Variants in LRMDA observed in about 807,000 individuals in gnomAD.
LRMDA encodes leucine-rich melanocyte differentiation-associated protein.
A neutral mutation model predicts 29.8 loss-of-function variants in LRMDA; 18 were observed. The ratio of observed to expected loss-of-function variants is 0.60; its 90% CI spans 0.42 to 0.90. The LOEUF (loss-of-function observed/expected upper bound fraction) is 0.90, where lower values mean the gene tolerates loss of function less well. Among genes scored for constraint, LRMDA ranks in the 40% least tolerant of loss-of-function variants. The probability of loss-of-function intolerance (pLI) is 0.00; values close to 1 mark genes in which losing one functional copy is unlikely to be tolerated. For missense variants in LRMDA, 273 were observed against 273.9 expected (o/e 1.00, Z 0.02); for synonymous variants, 125 against 109.4 (o/e 1.14, Z -0.89).
intron 5 of LRMDA, among the ~76,000 whole-genome samples, chr10:76,179,397 G>A (rs751181895): frequency 1.3e-5 from 2 of 151,852 alleles, no homozygotes; most frequent in African/African-American, 2.4e-5. Flanking sequence ...GAGAGTGGAG[G>A]TGTTTGCCTC....
chr10:76,145,266 T>A (rs1450491487), intron 5 of LRMDA, among the ~76,000 whole-genome samples: 1 of 152,140 alleles, frequency 6.6e-6, no homozygotes, highest in Non-Finnish European at 1.5e-5. Context: ...GAAGGAATGG[T>A]ACCAGCTCCT....
intron 2 of LRMDA, among the ~76,000 whole-genome samples, chr10:75,863,128 G>C (rs1264359909): frequency 6.6e-6 from 1 of 152,088 alleles, no homozygotes; most frequent in Non-Finnish European, 1.5e-5. Flanking sequence ...ATATTTATGA[G>C]ATGAATGTTG....
chr10:75,443,498 G>T (rs7098941), intron 2 of LRMDA, among the ~76,000 whole-genome samples: 7,631 of 152,108 alleles, frequency 0.05, 468 homozygotes, highest in African/African-American at 0.15. Context: ...AATAAATGTG[G>T]TATATCACAT....
At chr10:75,628,490 A>G (rs985575471) in intron 2 of LRMDA, among the ~76,000 whole-genome samples, 2 of 152,234 alleles carry the variant, frequency 1.3e-5, no homozygotes, top group Admixed American at 1.3e-4. Context: ...TCCAGCTATG[A>G]ACCTGATTGC....
chr10:75,920,238 C>T (rs1390046349), intron 2 of LRMDA, among the ~76,000 whole-genome samples: 1 of 152,116 alleles, frequency 6.6e-6, no homozygotes, highest in Non-Finnish European at 1.5e-5. Flanking sequence ...CTAGATGGTA[C>T]ACCACCCCCA....
intron 6 of LRMDA, among the ~76,000 whole-genome samples, chr10:76,413,041 T>C (rs988278627): frequency 7.9e-5 from 12 of 152,156 alleles, no homozygotes; most frequent in Non-Finnish European, 1.5e-4. Flanking sequence ...TCCTGGTGAT[T>C]CCAGAACCCT....
At chr10:76,440,414 G>T (rs1842289523) in intron 6 of LRMDA, among the ~76,000 whole-genome samples, 1 of 152,110 alleles carries the variant, frequency 6.6e-6, no homozygotes, top group African/African-American at 2.4e-5. Context: ...CCCCAAAATG[G>T]CCTCCATTTC....
At chr10:75,567,215 T>TCA (rs1840384772) in intron 2 of LRMDA, among the ~76,000 whole-genome samples, 1 of 152,194 alleles carries the variant, frequency 6.6e-6, no homozygotes. Flanking sequence ...TCTGTTGCCT[T>TCA]CAGAGTTAAG....
intron 2 of LRMDA, among the ~76,000 whole-genome samples, chr10:75,703,172 A>T (rs1842328551): frequency 6.6e-6 from 1 of 151,866 alleles, no homozygotes; most frequent in African/African-American, 2.4e-5. Context: ...GTCAAAGCAA[A>T]ATATACTGCA....
chr10:76,302,890 C>T (rs1050017476), intron 5 of LRMDA, among the ~76,000 whole-genome samples: 2 of 152,136 alleles, frequency 1.3e-5, no homozygotes, highest in Non-Finnish European at 2.9e-5. Context: ...AAAAGGAAAA[C>T]ACAACGCAAC....
chr10:75,476,345 G>A (rs1201285329), intron 2 of LRMDA, among the ~76,000 whole-genome samples: 1 of 152,136 alleles, frequency 6.6e-6, no homozygotes, highest in Non-Finnish European at 1.5e-5. Flanking sequence ...CGTGAGGCAG[G>A]GGTGGATGCT....
At chr10:76,110,868 T>C (rs1849566098) in intron 5 of LRMDA, among the ~76,000 whole-genome samples, 2 of 151,980 alleles carry the variant, frequency 1.3e-5, no homozygotes, top group Admixed American at 6.6e-5. Flanking sequence ...GGGTAAAGAG[T>C]GTATTCACTA....
chr10:76,086,780 A>T (rs971457547), intron 5 of LRMDA, among the ~76,000 whole-genome samples: 1 of 152,192 alleles, frequency 6.6e-6, no homozygotes, highest in African/African-American at 2.4e-5. Context: ...GTGATTTATG[A>T]GTGATGCTCC....
At chr10:75,687,355 C>A (rs1269582446) in intron 2 of LRMDA, among the ~76,000 whole-genome samples, 2 of 152,174 alleles carry the variant, frequency 1.3e-5, no homozygotes, top group East Asian at 3.9e-4. Context: ...AAAAGTGAAA[C>A]AGCCTTATTG....
chr10:76,268,225 TG>T (rs1840028478), intron 5 of LRMDA, among the ~76,000 whole-genome samples: 1 of 152,212 alleles, frequency 6.6e-6, no homozygotes, highest in Non-Finnish European at 1.5e-5. Context: ...GGTTCAAGTC[TG>T]GGCTAAAACT....
At chr10:76,136,297 T>C (rs1004227466) in intron 5 of LRMDA, among the ~76,000 whole-genome samples, 2 of 152,204 alleles carry the variant, frequency 1.3e-5, no homozygotes, top group Admixed American at 1.3e-4. Flanking sequence ...TTTTTGTGAA[T>C]GGCACTTTAG....
At chr10:76,103,434 G>A (rs1008483377) in intron 5 of LRMDA, among the ~76,000 whole-genome samples, 3 of 152,226 alleles carry the variant, frequency 2.0e-5, no homozygotes, top group South Asian at 2.1e-4. Context: ...TTCTGATCCC[G>A]GGGGCCTCTG....
At chr10:75,435,634 G>A (rs902350307) in intron 1 of LRMDA, among the ~76,000 whole-genome samples, 1 of 152,180 alleles carries the variant, frequency 6.6e-6, no homozygotes, top group Admixed American at 6.5e-5. Flanking sequence ...GTCTTCCTGG[G>A]ATGTTGTATA....
intron 2 of LRMDA, among the ~76,000 whole-genome samples, chr10:75,919,308 G>A (rs1349989400): frequency 6.6e-6 from 1 of 152,192 alleles, no homozygotes; most frequent in Non-Finnish European, 1.5e-5. Flanking sequence ...CAGGAGAATA[G>A]TGAAGGCTCA....
Sources: gnomAD v4.1 joint callset for allele counts (sites outside exome capture counted in the v4.1 genomes callset) on GRCh38, gnomAD v4.1.1 for gene constraint, MANE v1.5 for transcripts, NCBI Gene and HGNC (gene_info 2026-07-23, HGNC 2026-07-21) for gene names.